SLC17A6: variants seen among roughly 807,000 people sequenced by gnomAD.
SLC17A6 encodes vesicular glutamate transporter 2.
In SLC17A6, 35 loss-of-function variants were observed where a neutral mutation model predicts 67.1. The ratio of observed to expected loss-of-function variants is 0.52; its 90% CI spans 0.40 to 0.69. SLC17A6 has a LOEUF of 0.69. Among genes scored for constraint, SLC17A6 ranks in the 30% least tolerant of loss-of-function variants. SLC17A6 has a pLI of 0.00. For synonymous variants in SLC17A6, 285 were observed against 252.3 expected, an observed-to-expected ratio of 1.13 and a Z score of -1.23; for missense variants, 588 against 723.9, an observed-to-expected ratio of 0.81 and a Z score of 2.15.
At chr11:22,339,843 A>T (rs1590375347) in intron 1 of SLC17A6, among the ~76,000 whole-genome samples, 2 of 152,196 alleles carry the variant, frequency 1.3e-5, no homozygotes, top group East Asian at 3.9e-4. Flanking sequence ...CTTTCCCAGT[A>T]CAACTGCCAT....
intron 4 of SLC17A6, among the ~76,000 whole-genome samples, chr11:22,360,547 A>G (rs921195130): frequency 7.3e-6 from 1 of 137,006 alleles, no homozygotes; most frequent in Non-Finnish European, 1.6e-5. Context: ...CAAAAAAAAG[A>G]TAGGTTCAAA....
At chr11:22,344,192 G>T (rs1006090247) in intron 3 of SLC17A6, among the ~76,000 whole-genome samples, 1 of 152,188 alleles carries the variant, frequency 6.6e-6, no homozygotes, top group African/African-American at 2.4e-5. Flanking sequence ...CAGAACACAT[G>T]CACCAGCTCT....
chr11:22,367,547 G>T (rs1206914709), intron 7 of SLC17A6, among the ~76,000 whole-genome samples: 1 of 151,840 alleles, frequency 6.6e-6, no homozygotes, highest in Non-Finnish European at 1.5e-5. Context: ...GTATGCACTG[G>T]TGCCCACTAG....
chr11:22,368,916 A>G (rs1022053496), intron 7 of SLC17A6, among the ~76,000 whole-genome samples: 2 of 152,008 alleles, frequency 1.3e-5, no homozygotes, highest in African/African-American at 4.8e-5. Flanking sequence ...TGTCTTGCAT[A>G]TATTTATGAT....
intron 11 of SLC17A6, 81 bp from the exon 12 acceptor site, chr11:22,377,324 G>A: frequency 7.8e-7 from 1 of 1,285,194 alleles, no homozygotes; most frequent in Non-Finnish European, 1.1e-6. Flanking sequence ...TGAAAACTCA[G>A]TGGTGGTGCA....
chr11:22,376,299 C>CT (rs1195565036), intron 10 of SLC17A6, among the ~76,000 whole-genome samples: 3 of 151,710 alleles, frequency 2.0e-5, no homozygotes, highest in African/African-American at 7.3e-5. Flanking sequence ...CCTGGACTGC[C>CT]TTTTTTTGTT....
At chr11:22,366,347 A>G (rs1856112400) in intron 7 of SLC17A6, among the ~76,000 whole-genome samples, 2 of 152,116 alleles carry the variant, frequency 1.3e-5, no homozygotes, top group Admixed American at 1.3e-4. Context: ...CGGTTAAGGG[A>G]GGACTACTAT....
At chr11:22,353,866 A>G (rs1227923470) in intron 3 of SLC17A6, among the ~76,000 whole-genome samples, 2 of 151,628 alleles carry the variant, frequency 1.3e-5, no homozygotes, top group African/African-American at 2.4e-5. Context: ...GTCCTGGGGG[A>G]ATATCTGGCA....
rs536040487 is a variant in SLC17A6 at position 22,362,953 on chromosome 11, A to G, written c.748+128A>G. The G allele has an allele frequency of 1.0e-5, 7 of 683,208 alleles. No homozygotes were observed. The African/African-American group carries it at 1.1e-4, about 10-fold the overall frequency. 42.3% of individuals were successfully genotyped at this position (683,208 alleles called of 1,614,324 possible). On this transcript the variant is annotated intron_variant, in intron 6 of 11. Coordinates refer to ENST00000263160, the MANE Select transcript of SLC17A6 (RefSeq NM_020346.3). ...ACTTACTTATTTTCTTCTCTTAAGA[A>G]TCCTTCCATTGTATTCTGAGAGGAT...
intron 8 of SLC17A6, among the ~76,000 whole-genome samples, chr11:22,372,253 G>A (rs952352723): frequency 1.3e-5 from 2 of 151,254 alleles, no homozygotes; most frequent in African/African-American, 4.9e-5. Context: ...ATATCAGTTA[G>A]CTATATGTTA....
chr11:22,340,762 G>T lies in SLC17A6; in HGVS notation c.87-766G>T, dbSNP rs111966859. 5.4e-5 allele frequency among the ~76,000 whole-genome samples: 8 copies of T among 149,506 alleles called. No individual in the cohort carries two copies. In the South Asian group the frequency reaches 1.7e-3, roughly 32 times the overall value. On this transcript the variant is annotated intron_variant, in intron 1 of 11. Coordinates refer to ENST00000263160, the MANE Select transcript of SLC17A6 (RefSeq NM_020346.3). ...CCTTTGTCTCCAACTCGAGTAATAA[G>T]AAAAAAAAAATAGTAAGAAGTGTAA...
At chr11:22,356,942 T>C (rs1487127030) in intron 3 of SLC17A6, among the ~76,000 whole-genome samples, 1 of 152,238 alleles carries the variant, frequency 6.6e-6, no homozygotes, top group Non-Finnish European at 1.5e-5. Flanking sequence ...AGTAATCTTT[T>C]GGCATTTTAT....
intron 3 of SLC17A6, among the ~76,000 whole-genome samples, chr11:22,345,416 A>G (rs1855865871): frequency 6.6e-6 from 1 of 151,340 alleles, no homozygotes; most frequent in African/African-American, 2.4e-5. Context: ...GGTTCAAGTG[A>G]TTCTCCTGCC....
chr11:22,359,384 A>T, intron 3 of SLC17A6, 29 bp from the exon 4 acceptor site: 2 of 1,400,516 alleles, frequency 1.4e-6, no homozygotes, highest in Non-Finnish European at 2.0e-6. Context: ...TGAATCATTT[A>T]AACAGTGTTC....
chr11:22,350,854 A>AT (rs768600277), intron 3 of SLC17A6, among the ~76,000 whole-genome samples: 45 of 152,204 alleles, frequency 3.0e-4, no homozygotes, highest in Middle Eastern at 3.4e-3. Context: ...TGACTTCTTT[A>AT]TTTCTTCTGA....
intron 3 of SLC17A6, among the ~76,000 whole-genome samples, chr11:22,358,283 A>T (rs1316239905): frequency 6.6e-6 from 1 of 152,170 alleles, no homozygotes; most frequent in African/African-American, 2.4e-5. Flanking sequence ...CTAAAGGAAT[A>T]CTTTTCTTAC....
rs747520503 is a variant in SLC17A6 at position 22,338,569 on chromosome 11, A to G, written c.36A>G (p.Gly12=). 5 of 1,613,538 alleles carry G rather than the reference A, an allele frequency of 3.1e-6. 1 individual carries two copies. In the South Asian group the frequency reaches 5.5e-5, roughly 18 times the overall value. Residue 12 remains glycine, a synonymous_variant, in exon 1 of 12, where the codon GGA becomes GGG. Coordinates refer to ENST00000263160, the MANE Select transcript of SLC17A6 (RefSeq NM_020346.3). Reference sequence around the variant, plus strand: ...TAAAACAAAGGATTTTGGCCCCAGGAAAAGAGGGGCTAAAGAATTTTGCTG... The same window carrying G: ...TAAAACAAAGGATTTTGGCCCCAGGGAAAGAGGGGCTAAAGAATTTTGCTG... ...ESVKQRILAP[G]KEGLKNFAGK...
At chr11:22,360,219 T>C (rs1856035230) in intron 4 of SLC17A6, among the ~76,000 whole-genome samples, 1 of 151,820 alleles carries the variant, frequency 6.6e-6, no homozygotes, top group Admixed American at 6.6e-5. Context: ...AACAAACTAA[T>C]GTAGGAACAG....
At chr11:22,341,408 G>A in intron 1 of SLC17A6, 120 bp from the exon 2 acceptor site, 1 of 1,418,710 alleles carries the variant, frequency 7.0e-7, no homozygotes, top group Admixed American at 2.1e-5. Context: ...AATCCCCGAG[G>A]GTGGGGGGAG....
Sources: allele counts gnomAD v4.1 joint callset (sites outside exome capture counted in the v4.1 genomes callset), GRCh38; gene constraint gnomAD v4.1.1; transcripts MANE v1.5; gene names NCBI Gene and HGNC (gene_info 2026-07-23, HGNC 2026-07-21).